Variants in IL1F10 observed in about 807,000 individuals in gnomAD.
The protein encoded by IL1F10 is interleukin-1 family member 10.
A neutral mutation model predicts 13.1 loss-of-function variants in IL1F10; 13 were observed. That is an observed-to-expected ratio of 0.99 (90% CI 0.64 to 1.57). The LOEUF is 1.57. Among genes scored for constraint, IL1F10 ranks in the 40% most tolerant of loss-of-function variants. The pLI is 0.00. For synonymous variants in IL1F10, 78 were observed against 68.2 expected, an observed-to-expected ratio of 1.14 and a Z score of -0.71; for missense variants, 191 against 184.1, an observed-to-expected ratio of 1.04 and a Z score of -0.22.
At chr2:113,070,028 G>A (rs1036706179) in intron 1 of IL1F10, among the ~76,000 whole-genome samples, 1 of 152,226 alleles carries the variant, frequency 6.6e-6, no homozygotes, top group African/African-American at 2.4e-5. Context: ...GAAAGCCCAA[G>A]TTTAGCTGAT....
intron 2 of IL1F10, 45 bp downstream of exon 2, chr2:113,072,815 G>T (rs749216948): frequency 1.9e-6 from 3 of 1,570,144 alleles, no homozygotes; most frequent in East Asian, 2.2e-5. Flanking sequence ...CAGGGGGTCA[G>T]GGTGGGAAGA....
chr2:113,068,042 C>A (rs1685772875), intron 1 of IL1F10, 26 bp downstream of exon 1: 1 of 152,246 alleles, frequency 6.6e-6, no homozygotes, highest in Non-Finnish European at 1.5e-5. Context: ...GCAATATTCT[C>A]TCTCTCTTTT....
At chr2:113,071,659 A>T (rs4849147) in intron 1 of IL1F10, among the ~76,000 whole-genome samples, 120,026 of 152,096 alleles carry the variant, frequency 0.79, 48,360 homozygotes, top group African/African-American at 0.95. Flanking sequence ...GGAACTTGAG[A>T]GCTGAGGTGG....
chr2:113,069,482 A>G lies in IL1F10; in HGVS notation c.-29+1466A>G, dbSNP rs28928276. Among the ~76,000 whole-genome samples, 560 of 152,374 alleles carry G rather than the reference A, an allele frequency of 3.7e-3. 3 individuals carry two copies. The highest frequency in any genetic ancestry group is 0.013 in the African/African-American group (527 of 41,590). On this transcript the variant is annotated intron_variant, in intron 1 of 4. Coordinates refer to ENST00000341010, the MANE Select transcript of IL1F10 (RefSeq NM_173161.3). ...CACTGAGTCAGGAGAAGTAGGAGAT[A>G]TTGTCAATGAGTCTCAGGTTTTGAA... is the stretch of plus-strand genomic sequence containing the variant.
intron 1 of IL1F10, chr2:113,072,459 C>T (rs770469304): frequency 2.3e-6 from 1 of 428,168 alleles, no homozygotes; most frequent in East Asian, 4.4e-5. Context: ...AGAACCAGCG[C>T]AAGCACACAC....
In IL1F10 at chr2:113,075,380, C is replaced by T. The variant is rs527283732; in HGVS notation, c.*16C>T. 13 of 1,532,474 alleles carry T rather than the reference C, an allele frequency of 8.5e-6. No homozygotes were observed. Among genetic ancestry groups the T allele is most frequent in the East Asian group, 6.8e-5 (3 of 43,806 alleles). 94.9% of individuals were successfully genotyped at this position (1,532,474 alleles called of 1,614,324 possible). A position where few individuals can be genotyped will look rare whatever the true frequency, so the allele number is the denominator to read the frequency against. On this transcript the variant is annotated 3_prime_UTR_variant, in exon 5 of 5. Transcript: ENST00000341010. ...GAGCTGGTAGGGAGACAGGAAACTG[C>T]GTTTTAGCCTTGTGCCCCCAAACCA...
intron 1 of IL1F10, 96 bp downstream of exon 1, chr2:113,068,112 C>T (rs1446269031): frequency 6.6e-6 from 1 of 152,228 alleles, no homozygotes; most frequent in Non-Finnish European, 1.5e-5. Flanking sequence ...CTTCACTCCT[C>T]CTGGCAAGCT....
At position 113,075,153 on chromosome 2, in the gene IL1F10, A is replaced by T; in HGVS notation, c.248A>T (p.Asp83Val). ...TEEGPSLQLE[D>V]VNIEELYKGG... ...CAGCCATCCACCTTGCCCCCACAGG[A>T]TGTGAACATTGAGGAACTGTACAAA... Residue 83 changes from aspartate (D) to valine (V), a missense_variant and splice_region_variant, in exon 5 of 5, where the codon GAT (aspartate) becomes GTT (valine). Transcript: ENST00000341010. 1 of 1,601,306 alleles carries T rather than the reference A, an allele frequency of 6.2e-7. No individual in the cohort carries two copies. Among genetic ancestry groups the T allele is most frequent in the South Asian group, 1.1e-5 (1 of 90,400 alleles).
chr2:113,071,817 T>G (rs572254542), intron 1 of IL1F10, among the ~76,000 whole-genome samples: 1 of 152,310 alleles, frequency 6.6e-6, no homozygotes, highest in East Asian at 1.9e-4. Flanking sequence ...TTTCTTATAT[T>G]TTTTCTTCTC....
chr2:113,074,989 T>A, intron 4 of IL1F10, 139 bp downstream of exon 4: 2 of 1,255,370 alleles, frequency 1.6e-6, no homozygotes, highest in South Asian at 2.8e-5. Flanking sequence ...CATCTCCCTC[T>A]GCACCTAGCA....
At chr2:113,072,504 TC>T in intron 1 of IL1F10, 1 of 519,826 alleles carries the variant, frequency 1.9e-6, no homozygotes, top group South Asian at 2.5e-5. Flanking sequence ...CTGGACTTGC[TC>T]CCGGATAGCC....
intron 1 of IL1F10, among the ~76,000 whole-genome samples, chr2:113,068,693 G>C (rs1051310877): frequency 4.6e-5 from 7 of 152,146 alleles, no homozygotes; most frequent in African/African-American, 9.7e-5. Flanking sequence ...AGTTCAATTA[G>C]GGTGGTTGGA....
intron 1 of IL1F10, 108 bp from the exon 2 acceptor site, chr2:113,072,602 GC>G: frequency 2.9e-6 from 2 of 687,822 alleles, no homozygotes; most frequent in Non-Finnish European, 5.0e-6. Context: ...TAGACGAATG[GC>G]CTGGGGAACC....
At chr2:113,070,538 G>C (rs1198510079) in intron 1 of IL1F10, among the ~76,000 whole-genome samples, 1 of 152,168 alleles carries the variant, frequency 6.6e-6, no homozygotes, top group African/African-American at 2.4e-5. Flanking sequence ...TCTGGGCACA[G>C]CTACCACACT....
At chr2:113,074,564 C>T in intron 3 of IL1F10, 150 bp downstream of exon 3, 2 of 1,102,766 alleles carry the variant, frequency 1.8e-6, no homozygotes, top group Non-Finnish European at 1.4e-6. Context: ...AGCGAGGGGA[C>T]ATGACTCCTG....
chr2:113,068,131 A>G (rs1685773973), intron 1 of IL1F10, 115 bp downstream of exon 1: 1 of 152,226 alleles, frequency 6.6e-6, no homozygotes, highest in Non-Finnish European at 1.5e-5. Flanking sequence ...CTGTCTAGGT[A>G]ACAAGGTAGT....
chr2:113,075,201 T>C lies in IL1F10; in HGVS notation c.296T>C (p.Phe99Ser), dbSNP rs1685916952. 2.5e-6 allele frequency: 4 copies of C among 1,613,628 alleles called. No individual in the cohort carries two copies. The highest frequency in any genetic ancestry group is 1.1e-5 in the South Asian group (1 of 91,058). ...LYKGGEEATR[F>S]TFFQSSSGSA... ...AAAGGTGGTGAAGAGGCCACACGCT[T>C]CACCTTCTTCCAGAGCAGCTCAGGC... Residue 99 changes from phenylalanine to serine, a missense_variant, in exon 5 of 5, where the codon TTC becomes TCC. Transcript: ENST00000341010.
chr2:113,070,063 G>A (rs1050130246), intron 1 of IL1F10, among the ~76,000 whole-genome samples: 1 of 152,208 alleles, frequency 6.6e-6, no homozygotes, highest in Non-Finnish European at 1.5e-5. Flanking sequence ...CAGGACAGGT[G>A]AATTGCGGAG....
intron 1 of IL1F10, among the ~76,000 whole-genome samples, chr2:113,069,057 T>C (rs1685790365): frequency 6.6e-6 from 1 of 152,216 alleles, no homozygotes; most frequent in Non-Finnish European, 1.5e-5. Flanking sequence ...ACTGATACTA[T>C]CTCCAGTGAT....
Sources: gnomAD v4.1 joint callset for allele counts (sites outside exome capture counted in the v4.1 genomes callset) on GRCh38, gnomAD v4.1.1 for gene constraint, MANE v1.5 for transcripts, NCBI Gene and HGNC (gene_info 2026-07-23, HGNC 2026-07-21) for gene names.